The following MGA variants were observed in gnomAD, a reference collection of about 807,000 sequenced individuals.
The protein encoded by MGA is MAX gene-associated protein.
Under a neutral mutation model 261.1 loss-of-function variants are expected in MGA, and 40 were observed. That is an observed-to-expected ratio of 0.15 (90% CI 0.12 to 0.20). MGA has a LOEUF of 0.20. Ranked by LOEUF, MGA falls within the 10% of genes least tolerant of loss-of-function variation. The pLI is 1.00. For synonymous variants in MGA, 1,302 were observed against 1,290.6 expected, an observed-to-expected ratio of 1.01 and a Z score of -0.19; for missense variants, 3,397 against 3,630.5, an observed-to-expected ratio of 0.94 and a Z score of 1.65.
intron 11 of MGA, among the ~76,000 whole-genome samples, chr15:41,729,564 C>CT (rs1481722723): frequency 6.6e-6 from 1 of 151,912 alleles, no homozygotes; most frequent in African/African-American, 2.4e-5. Context: ...GCTCATGTCT[C>CT]TAATCCCAGC....
intron 7 of MGA, among the ~76,000 whole-genome samples, chr15:41,708,565 C>T (rs1347004836): frequency 1.3e-5 from 2 of 152,140 alleles, no homozygotes; most frequent in East Asian, 1.9e-4. Flanking sequence ...GTGATCCGTC[C>T]GCCTCGGCCT....
At chr15:41,706,622 C>T (rs1418147226) in intron 5 of MGA, among the ~76,000 whole-genome samples, 2 of 144,778 alleles carry the variant, frequency 1.4e-5, no homozygotes, top group Non-Finnish European at 3.0e-5. Context: ...ACTCTGTCTC[C>T]CAGGCTGGAG....
rs73407235 is a variant in MGA at position 41,715,777 on chromosome 15, C to T, written c.3430+2281C>T. Among the ~76,000 whole-genome samples the T allele has an allele frequency of 7.4e-3, 1,119 of 152,100 alleles. 18 individuals carry two copies. Among genetic ancestry groups the T allele is most frequent in the African/African-American group, 0.026 (1,078 of 41,480 alleles). On this transcript the variant is annotated intron_variant, in intron 9 of 23. Coordinates refer to ENST00000219905, the MANE Select transcript of MGA (RefSeq NM_001164273.2). ...AAGTGAGATATAGTGTATTTAAATA[C>T]CTAAATGATCTTTGTGTAAATAAGA...
rs61757238 is a variant in MGA at position 41,767,154 on chromosome 15, T to C, written c.9072T>C (p.Val3024=). 4,255 of 1,613,960 alleles carry C rather than the reference T, an allele frequency of 2.6e-3. 12 individuals are homozygous for C. Among genetic ancestry groups the C allele is most frequent in the Non-Finnish European group, 3.1e-3 (3,610 of 1,179,868 alleles). The change falls in exon 24 of 24, where the codon GTT becomes GTC. Residue 3024 remains valine, a synonymous_variant. Transcript: ENST00000219905. ...CTATAGCTGCCAAAGTTGGGTCAGTTGGACACAAAATGAACTTAACAGGGA... is the reference window on the plus strand; with the variant it reads ...CTATAGCTGCCAAAGTTGGGTCAGTCGGACACAAAATGAACTTAACAGGGA...
intron 2 of MGA, among the ~76,000 whole-genome samples, chr15:41,677,269 G>A (rs1203194108): frequency 6.6e-6 from 1 of 152,170 alleles, no homozygotes; most frequent in African/African-American, 2.4e-5. Context: ...AGCCTCCAGA[G>A]TAGCTGCGAT....
intron 19 of MGA, 60 bp downstream of exon 19, chr15:41,757,899 A>G (rs1567097618): frequency 1.4e-6 from 2 of 1,445,694 alleles, no homozygotes; most frequent in South Asian, 1.2e-5. Flanking sequence ...CATTTATCTT[A>G]GGGTTGAAAC....
chr15:41,750,723 GC>G, intron 17 of MGA, 108 bp downstream of exon 17: 1 of 1,040,180 alleles, frequency 9.6e-7, no homozygotes, highest in Non-Finnish European at 1.4e-6. Flanking sequence ...TTAATTGGAT[GC>G]CTAGGTTTAA....
At chr15:41,706,823 C>T (rs1243802232) in intron 5 of MGA, among the ~76,000 whole-genome samples, 7 of 152,098 alleles carry the variant, frequency 4.6e-5, no homozygotes, top group Non-Finnish European at 7.4e-5. Context: ...ATCTGTCTGC[C>T]TTGGCCTCTC....
chr15:41,717,202 C>T (rs1189770426), intron 9 of MGA, among the ~76,000 whole-genome samples: 1 of 152,116 alleles, frequency 6.6e-6, no homozygotes, highest in African/African-American at 2.4e-5. Context: ...ACCCCAGTGG[C>T]CTTTACTTTT....
intron 17 of MGA, 103 bp downstream of exon 17, chr15:41,750,718 T>C: frequency 9.4e-7 from 1 of 1,068,458 alleles, no homozygotes; most frequent in Non-Finnish European, 1.3e-6. Flanking sequence ...TACATTTAAT[T>C]GGATGCCTAG....
intron 12 of MGA, 80 bp downstream of exon 12, chr15:41,734,674 A>G (rs557424491): frequency 7.7e-5 from 84 of 1,085,344 alleles, no homozygotes; most frequent in Non-Finnish European, 1.1e-4. Context: ...GAAAACCCAA[A>G]CCATCAATTC....
intron 9 of MGA, chr15:41,718,254 G>C (rs1228191658): frequency 4.9e-6 from 1 of 205,498 alleles, no homozygotes; most frequent in Non-Finnish European, 9.6e-6. Context: ...ACTATATATA[G>C]ATAGATATCT....
chr15:41,709,594 G>A (rs912233771), intron 7 of MGA, among the ~76,000 whole-genome samples: 8 of 151,828 alleles, frequency 5.3e-5, no homozygotes, highest in East Asian at 2.0e-4. Context: ...ACAGGTGTGC[G>A]CCACCATGCC....
At chr15:41,701,001 C>T (rs917862384) in intron 5 of MGA, among the ~76,000 whole-genome samples, 20 of 152,106 alleles carry the variant, frequency 1.3e-4, no homozygotes, top group Non-Finnish European at 2.9e-5. Flanking sequence ...TGTGACAGTG[C>T]GATCTTAAAA....
rs17677811 is a variant in MGA, at chr15:41,729,314, T to A, written c.3808T>A (p.Cys1270Ser). 6 of 1,613,820 alleles carry A rather than the reference T, an allele frequency of 3.7e-6. No homozygotes were observed. The Admixed American group carries it at 8.3e-5, about 22-fold the overall frequency. ...TCCATCATTTCAGCAGCAAACTTCA[T>A]GTCATTCTAGCCCTGAGAACCATAA... The change falls in exon 11 of 24, where the codon TGT (cysteine) becomes AGT (serine). Residue 1270 changes from cysteine (C) to serine (S), a missense_variant. Transcript: ENST00000219905.
At chr15:41,700,906 A>G (rs774530682) in intron 5 of MGA, among the ~76,000 whole-genome samples, 1 of 152,340 alleles carries the variant, frequency 6.6e-6, no homozygotes, top group South Asian at 2.1e-4. Flanking sequence ...TAAGTTATCA[A>G]ACAAAAGATT....
At chr15:41,754,187 T>C (rs1222206509) in intron 17 of MGA, among the ~76,000 whole-genome samples, 2 of 152,206 alleles carry the variant, frequency 1.3e-5, no homozygotes, top group Non-Finnish European at 2.9e-5. Context: ...CCCAAAGTGC[T>C]GGATTATAGG....
intron 9 of MGA, among the ~76,000 whole-genome samples, chr15:41,724,262 T>C (rs2061107985): frequency 6.6e-6 from 1 of 152,194 alleles, no homozygotes; most frequent in Non-Finnish European, 1.5e-5. Context: ...TCAAAAGACA[T>C]ACTTGTACAT....
At chr15:41,702,653 ATTG>A (rs1010780505) in intron 5 of MGA, among the ~76,000 whole-genome samples, 4 of 152,198 alleles carry the variant, frequency 2.6e-5, no homozygotes, top group Non-Finnish European at 2.9e-5. Flanking sequence ...AAAATGTTAT[ATTG>A]TTGTTGGTAG....
Sources: allele counts gnomAD v4.1 joint callset (sites outside exome capture counted in the v4.1 genomes callset), GRCh38; gene constraint gnomAD v4.1.1; transcripts MANE v1.5; gene names NCBI Gene and HGNC (gene_info 2026-07-23, HGNC 2026-07-21).